INPP4B: variants seen among roughly 807,000 people sequenced by gnomAD.
INPP4B encodes inositol polyphosphate-4-phosphatase type II B.
A neutral mutation model predicts 122.5 loss-of-function variants in INPP4B; 55 were observed. The ratio of observed to expected loss-of-function variants is 0.45; its 90% CI spans 0.36 to 0.56. The LOEUF is 0.56. Ranked by LOEUF, INPP4B falls within the 20% of genes least tolerant of loss-of-function variation. INPP4B has a pLI of 0.00. For missense variants in INPP4B, 1,000 were observed against 1,097.7 expected (o/e 0.91, Z 1.26); for synonymous variants, 403 against 388.7 (o/e 1.04, Z -0.43).
intron 2 of INPP4B, among the ~76,000 whole-genome samples, chr4:142,561,405 TG>T (rs1451462511): frequency 7.3e-6 from 1 of 137,920 alleles, no homozygotes; most frequent in African/African-American, 2.7e-5. Flanking sequence ...AAAGTTTCTT[TG>T]TTTTTTTGTT....
chr4:142,339,371 C>T (rs1208078707), intron 7 of INPP4B, among the ~76,000 whole-genome samples: 1 of 152,166 alleles, frequency 6.6e-6, no homozygotes, highest in African/African-American at 2.4e-5. Flanking sequence ...TGCTGCTTTC[C>T]TAGGCTCATA....
intron 1 of INPP4B, among the ~76,000 whole-genome samples, chr4:142,757,959 AT>A (rs149525267): frequency 0.025 from 3,794 of 152,236 alleles, 61 homozygotes; most frequent in Middle Eastern, 0.095. Context: ...GAATCAGAAT[AT>A]TTTTGGATTG....
In INPP4B at chr4:142,503,556, C is replaced by T. The variant is rs1430344206; in HGVS notation, c.-190-40830G>A. Among the ~76,000 whole-genome samples, 5 of 152,114 alleles carry T rather than the reference C, an allele frequency of 3.3e-5. No homozygotes were observed. In the East Asian group the frequency reaches 9.7e-4, roughly 29 times the overall value. ...ATAAGAAGGTCTTTAGTTGGGAAGA[C>T]ATAGTATGAAAATAATATCTTTCCC... is the stretch of plus-strand genomic sequence containing the variant. On this transcript the variant is annotated intron_variant, in intron 2 of 25. Transcript: ENST00000262992.
intron 3 of INPP4B, among the ~76,000 whole-genome samples, chr4:142,447,223 GT>G (rs1343812651): frequency 2.0e-5 from 3 of 152,114 alleles, no homozygotes; most frequent in African/African-American, 7.2e-5. Flanking sequence ...CCACAGATTT[GT>G]GGGGGCCTCA....
chr4:142,186,851 G>A (rs1404837435), intron 15 of INPP4B, among the ~76,000 whole-genome samples: 3 of 152,132 alleles, frequency 2.0e-5, no homozygotes, highest in Non-Finnish European at 1.5e-5. Flanking sequence ...TCAAAGCTTT[G>A]CAGGCCTCAT....
intron 1 of INPP4B, among the ~76,000 whole-genome samples, chr4:142,770,163 G>T (rs1461814923): frequency 6.6e-6 from 1 of 152,112 alleles, no homozygotes; most frequent in African/African-American, 2.4e-5. Flanking sequence ...GATAACAGTT[G>T]TTTGCCTAGT....
intron 3 of INPP4B, among the ~76,000 whole-genome samples, chr4:142,453,831 A>G (rs2149527874): frequency 6.6e-6 from 1 of 152,278 alleles, no homozygotes; most frequent in South Asian, 2.1e-4. Flanking sequence ...CTAAACTCGA[A>G]CTGGGTGGAA....
intron 7 of INPP4B, among the ~76,000 whole-genome samples, chr4:142,366,296 G>A (rs762946039): frequency 9.9e-5 from 15 of 150,988 alleles, no homozygotes; most frequent in South Asian, 2.1e-4. Flanking sequence ...GGACTCAGCC[G>A]GCCTGCACCC....
At chr4:142,082,002 G>GA (rs11446749) in intron 25 of INPP4B, 29 bp downstream of exon 25, 1,337,309 of 1,388,430 alleles carry the variant, frequency 0.96, 647,266 homozygotes, top group Non-Finnish European at 0.98. Flanking sequence ...GACCTTAAAA[G>GA]AAAAAAACTT....
intron 9 of INPP4B, among the ~76,000 whole-genome samples, chr4:142,290,195 CTTTTTTTTTTT>C (rs35260066): frequency 3.6e-4 from 28 of 77,502 alleles, no homozygotes; most frequent in Non-Finnish European, 4.4e-4. Flanking sequence ...TTCTTTCTTC[CTTTTTTTTTTT>C]TTTTTTTTTT....
chr4:142,803,385 A>C (rs1778268618), intron 1 of INPP4B, among the ~76,000 whole-genome samples: 1 of 151,898 alleles, frequency 6.6e-6, no homozygotes, highest in Non-Finnish European at 1.5e-5. Flanking sequence ...TTTTATTGAC[A>C]TGAAAAGTGC....
intron 23 of INPP4B, among the ~76,000 whole-genome samples, chr4:142,105,975 G>A (rs986091008): frequency 2.0e-5 from 3 of 152,208 alleles, no homozygotes; most frequent in Admixed American, 2.0e-4. Context: ...TCTTTGGCTT[G>A]CAATATGTCT....
intron 7 of INPP4B, among the ~76,000 whole-genome samples, chr4:142,399,075 G>A (rs1800714908): frequency 6.6e-6 from 1 of 151,442 alleles, no homozygotes; most frequent in Non-Finnish European, 1.5e-5. Context: ...CTCAGAGGGT[G>A]TTGGAAGAGG....
chr4:142,244,350 A>G (rs532970745), intron 11 of INPP4B, among the ~76,000 whole-genome samples: 1 of 123,416 alleles, frequency 8.1e-6, no homozygotes, highest in Admixed American at 1.1e-4. Context: ...CCCACTCTGG[A>G]GTGCAGTGGT....
chr4:142,260,122 C>G (rs1739093829), intron 11 of INPP4B, among the ~76,000 whole-genome samples: 1 of 152,192 alleles, frequency 6.6e-6, no homozygotes, highest in South Asian at 2.1e-4. Flanking sequence ...ATTGCTGGGA[C>G]TACAGGCACG....
Position 142,118,315 on chromosome 4 carries a change from A to C in INPP4B, c.2135+3813T>G, listed in dbSNP as rs190243924. On this transcript the variant is annotated intron_variant, in intron 21 of 25. Coordinates refer to ENST00000262992, the MANE Select transcript of INPP4B (RefSeq NM_001101669.3). ...CTACTTTAAAGTTCATATGGAACCA[A>C]AAAAGAGCACGCATTGCCAAGACAA... Among the ~76,000 whole-genome samples the C allele has an allele frequency of 8.9e-4, 135 of 152,106 alleles. 1 individual carries two copies. The highest frequency in any genetic ancestry group is 3.1e-3 in the African/African-American group (128 of 41,362).
At chr4:142,817,499 C>A (rs974381831) in intron 1 of INPP4B, among the ~76,000 whole-genome samples, 5 of 152,108 alleles carry the variant, frequency 3.3e-5, no homozygotes, top group African/African-American at 7.2e-5. Flanking sequence ...CCTTTCCCAG[C>A]TCTTCTCACA....
chr4:142,413,872 A>G (rs1443415446), intron 5 of INPP4B, among the ~76,000 whole-genome samples: 1 of 152,080 alleles, frequency 6.6e-6, no homozygotes. Flanking sequence ...TGCATATTCA[A>G]TGGTGATTTA....
At chr4:142,564,996 T>A (rs2150136283) in intron 2 of INPP4B, among the ~76,000 whole-genome samples, 1 of 152,294 alleles carries the variant, frequency 6.6e-6, no homozygotes, top group South Asian at 2.1e-4. Flanking sequence ...TGGATCAGGA[T>A]CCAATCCAAA....
Sources: allele counts gnomAD v4.1 joint callset (sites outside exome capture counted in the v4.1 genomes callset), GRCh38; gene constraint gnomAD v4.1.1; transcripts MANE v1.5; gene names NCBI Gene and HGNC (gene_info 2026-07-23, HGNC 2026-07-21).